The following ZNF625 variants were observed in gnomAD, a reference collection of about 807,000 sequenced individuals.
The protein encoded by ZNF625 is zinc finger protein 625.
A neutral mutation model predicts 11.1 loss-of-function variants in ZNF625; 8 were observed. The observed-to-expected ratio is 0.72, with a 90% CI of 0.42 to 1.30. The LOEUF (loss-of-function observed/expected upper bound fraction) is 1.30. ZNF625 is among the 50% of genes most tolerant of loss of function. The pLI, the probability that ZNF625 is intolerant of heterozygous loss-of-function variation, is 0.01. For synonymous variants in ZNF625, 145 were observed against 153.4 expected, an observed-to-expected ratio of 0.95 and a Z score of 0.41; for missense variants, 349 against 447.6, an observed-to-expected ratio of 0.78 and a Z score of 1.99.
intron 1 of ZNF625, among the ~76,000 whole-genome samples, chr19:12,148,902 A>G (rs1976915296): frequency 6.6e-6 from 1 of 151,970 alleles, no homozygotes; most frequent in Non-Finnish European, 1.5e-5. Context: ...GATTACAGGC[A>G]TGAGCCACTG....
intron 1 of ZNF625, among the ~76,000 whole-genome samples, chr19:12,148,365 G>C (rs1976906749): frequency 6.6e-6 from 1 of 152,146 alleles, no homozygotes; most frequent in South Asian, 2.1e-4. Flanking sequence ...AACTGTGCTT[G>C]GGTAGAAAAG....
In ZNF625 at chr19:12,147,668, AC is replaced by A. The variant is rs1269661221; in HGVS notation, c.130+7del. On this transcript the variant is annotated splice_region_variant and intron_variant, in intron 2 of 3. Coordinates refer to ENST00000439556, the MANE Select transcript of ZNF625 (RefSeq NM_145233.4). ...ATTCACTGAGGAAAGTAATATTGTTACCCTTACCTACAGAAGCCAGGTTCCT... is the reference window on the plus strand; with the variant it reads ...ATTCACTGAGGAAAGTAATATTGTTACCTTACCTACAGAAGCCAGGTTCCT... 6.2e-7 allele frequency: 1 copy of A among 1,613,736 alleles called. No individual in the cohort carries two copies. Among genetic ancestry groups the A allele is most frequent in the African/African-American group, 1.3e-5 (1 of 75,022 alleles).
intron 1 of ZNF625, among the ~76,000 whole-genome samples, chr19:12,148,644 T>C (rs1223885370): frequency 2.0e-5 from 3 of 147,714 alleles, no homozygotes; most frequent in Non-Finnish European, 3.0e-5. Context: ...TTTTTTGAGA[T>C]AGAGTCTCAC....
At position 12,145,584 on chromosome 19, in the gene ZNF625, TACATTC is replaced by T. The variant is rs1347648423; in HGVS notation, c.826_831del (p.Glu276_Cys277del). ...GAAACAAAGGCTTTCCCACACTGTT[TACATTC>T]ATACGGCTTCTCCCCAGTGTGAGTT... On this transcript the variant is annotated inframe_deletion, in exon 4 of 4. Coordinates refer to ENST00000439556, the MANE Select transcript of ZNF625 (RefSeq NM_145233.4). 1.1e-5 allele frequency: 17 copies of T among 1,614,176 alleles called. No homozygotes were observed. The highest frequency in any genetic ancestry group is 1.4e-5 in the Non-Finnish European group (17 of 1,179,996).
At chr19:12,146,253 G>C (rs760827175) in intron 3 of ZNF625, 29 bp from the exon 4 acceptor site, 2 of 1,583,090 alleles carry the variant, frequency 1.3e-6, no homozygotes, top group South Asian at 2.3e-5. Context: ...ATATCATAAT[G>C]GGTTCCTTTA....
chr19:12,147,779 T>A lies in ZNF625; in HGVS notation c.27A>T (p.Val9=). MDSVVFED[V]DVNFTQEEWA... The stretch of plus-strand genomic sequence containing the variant: ...ACTCCTCCTGGGTGAAGTTCACATC[T>A]ACATCCTCAAAGACCACTGAATCCT... The change falls in exon 2 of 4, where the codon GTA becomes GTT. Residue 9 remains valine, a synonymous_variant. Coordinates refer to ENST00000439556, the MANE Select transcript of ZNF625 (RefSeq NM_145233.4). The A allele has an allele frequency of 6.2e-7, 1 of 1,614,078 alleles. No individual in the cohort carries two copies. The highest frequency in any genetic ancestry group is 8.5e-7 in the Non-Finnish European group (1 of 1,180,002).
chr19:12,153,349 CAAAA>C (rs1260818004), intron 1 of ZNF625, among the ~76,000 whole-genome samples: 1 of 61,450 alleles, frequency 1.6e-5, no homozygotes. Context: ...GACTCCATCT[CAAAA>C]AAAAAAAAAA....
At chr19:12,149,330 C>T (rs1473826040) in intron 1 of ZNF625, among the ~76,000 whole-genome samples, 1 of 150,348 alleles carries the variant, frequency 6.7e-6, no homozygotes, top group Admixed American at 6.6e-5. Context: ...TGCATCAATC[C>T]ACCTGTCCAT....
intron 1 of ZNF625, among the ~76,000 whole-genome samples, chr19:12,149,441 A>G (rs1453937265): frequency 2.4e-5 from 3 of 125,020 alleles, no homozygotes; most frequent in Non-Finnish European, 3.6e-5. Context: ...GTCCGTTGTT[A>G]CAACAAGCAT....
At chr19:12,154,116 A>T (rs1229906715) in intron 1 of ZNF625, among the ~76,000 whole-genome samples, 1 of 151,984 alleles carries the variant, frequency 6.6e-6, no homozygotes, top group African/African-American at 2.4e-5. Context: ...CCTTACCTAT[A>T]TTCTTTTGTA....
At chr19:12,156,517 C>A in intron 1 of ZNF625, 39 bp downstream of exon 1, 1 of 1,418,390 alleles carries the variant, frequency 7.1e-7, no homozygotes, top group Non-Finnish European at 9.2e-7. Flanking sequence ...TCCTCCCGGC[C>A]CCTCCCCCGT....
At chr19:12,153,259 A>G (rs7251030) in intron 1 of ZNF625, among the ~76,000 whole-genome samples, 28,843 of 151,312 alleles carry the variant, frequency 0.19, 3,439 homozygotes, top group African/African-American at 0.34. Context: ...GCTGAGGCAG[A>G]AAAATCACTT....
rs1764274313 is a variant in ZNF625 at position 12,145,213 on chromosome 19, T to A, written c.*84A>T. The stretch of plus-strand genomic sequence containing the variant: ...GACAGTGACTGCAGAAGCTTCAGAA[T>A]AATTTTGCGATGGTTCCCATGATTT... On this transcript the variant is annotated 3_prime_UTR_variant, in exon 4 of 4. Coordinates refer to ENST00000439556, the MANE Select transcript of ZNF625 (RefSeq NM_145233.4). 1 of 1,413,666 alleles carries A rather than the reference T, an allele frequency of 7.1e-7. No homozygotes were observed. The highest frequency in any genetic ancestry group is 9.6e-7 in the Non-Finnish European group (1 of 1,044,430). 87.6% of individuals were successfully genotyped at this position (1,413,666 alleles called of 1,614,324 possible).
In ZNF625 at chr19:12,145,831, A is replaced by G; in HGVS notation, c.585T>C (p.Phe195=). 1 of 1,614,216 alleles carries G rather than the reference A, an allele frequency of 6.2e-7. No individual in the cohort carries two copies. The stretch of plus-strand genomic sequence containing the variant: ...TGAGACACATCAAGGCTTTCCCACA[A>G]AAGTTACATTTGTAGGGTCCATCTC... ...HSGDGPYKCN[F]CGKALMCLSL... The change falls in exon 4 of 4, where the codon TTT becomes TTC. Residue 195 remains phenylalanine, a synonymous_variant. Coordinates refer to ENST00000439556, the MANE Select transcript of ZNF625 (RefSeq NM_145233.4).
At chr19:12,146,984 T>TTTTTTTTTTTTTTTTTTTTTC (rs1976885085) in intron 3 of ZNF625, among the ~76,000 whole-genome samples, 1 of 151,036 alleles carries the variant, frequency 6.6e-6, no homozygotes, top group African/African-American at 2.5e-5. Flanking sequence ...TTTTTTTTTT[T>TTTTTTTTTTTTTTTTTTTTTC]GAGACGGAGT....
intron 1 of ZNF625, 58 bp downstream of exon 1, chr19:12,156,498 C>G (rs901556029): frequency 1.5e-6 from 2 of 1,378,608 alleles, no homozygotes; most frequent in African/African-American, 3.0e-5. Flanking sequence ...AGAGCCGGTT[C>G]GAGCCGGTTC....
At chr19:12,156,297 C>A (rs1394432932) in intron 1 of ZNF625, among the ~76,000 whole-genome samples, 1 of 152,178 alleles carries the variant, frequency 6.6e-6, no homozygotes, top group Non-Finnish European at 1.5e-5. Flanking sequence ...GCGCGGAGCT[C>A]CCCAGAGAGG....
rs150192732 is a variant in ZNF625, at chr19:12,152,311, G to T, written c.3+4245C>A. On this transcript the variant is annotated intron_variant, in intron 1 of 3. Coordinates refer to ENST00000439556, the MANE Select transcript of ZNF625 (RefSeq NM_145233.4). The stretch of plus-strand genomic sequence containing the variant: ...TAGATTCTATTAAAATACTGTACAT[G>T]AATATCTCCTTTAAATTTCAAAAGA... Among the ~76,000 whole-genome samples the T allele has an allele frequency of 5.6e-4, 85 of 151,970 alleles. 1 individual carries two copies. The highest frequency in any genetic ancestry group is 1.9e-3 in the African/African-American group (77 of 41,432).
Position 12,145,716 on chromosome 19 carries a change from G to T in ZNF625, c.700C>A (p.Leu234Ile), listed in dbSNP as rs780009364. The change falls in exon 4 of 4, where the codon CTT becomes ATT. Residue 234 changes from leucine to isoleucine, a missense_variant. Transcript: ENST00000439556. ...CGKAFSHSGS[L>I]RIHERTHTGE... Reference sequence around the variant, plus strand: ...GTGTGAGTTCTTTCATGTATTCGAAGGCTACCAGAATGACTAAAGGCTTTA... The same window carrying T: ...GTGTGAGTTCTTTCATGTATTCGAATGCTACCAGAATGACTAAAGGCTTTA... 9 of 1,613,620 alleles carry T rather than the reference G, an allele frequency of 5.6e-6. No individual in the cohort carries two copies. The highest frequency in any genetic ancestry group is 5.9e-6 in the Non-Finnish European group (7 of 1,179,960).
Sources: gnomAD v4.1 joint callset for allele counts (sites outside exome capture counted in the v4.1 genomes callset) on GRCh38, gnomAD v4.1.1 for gene constraint, MANE v1.5 for transcripts, NCBI Gene and HGNC (gene_info 2026-07-23, HGNC 2026-07-21) for gene names.